Variants in PRKN observed in about 807,000 individuals in gnomAD.
PRKN encodes parkin RBR E3 ubiquitin protein ligase.
PRKN carries 56 observed loss-of-function variants against 59.5 expected under a neutral mutation model. The observed-to-expected ratio is 0.94, with a 90% confidence interval of 0.76 to 1.18. The LOEUF is 1.18. PRKN is among the 50% of genes most tolerant of loss of function. The pLI, the probability that PRKN is intolerant of heterozygous loss-of-function variation, is 0.00. For synonymous variants in PRKN, 250 were observed against 222.1 expected, an observed-to-expected ratio of 1.13 and a Z score of -1.12; for missense variants, 657 against 596.4, an observed-to-expected ratio of 1.10 and a Z score of -1.06.
At chr6:161,474,939 T>G (rs1438969906) in intron 9 of PRKN, among the ~76,000 whole-genome samples, 1 of 149,018 alleles carries the variant, frequency 6.7e-6, no homozygotes, top group Non-Finnish European at 1.5e-5. Flanking sequence ...ATGAAGTCTC[T>G]CTGTCACCAG....
rs1386420725 is a variant in PRKN at position 161,388,319 on chromosome 6, T to C, written c.1084-1442A>G. On this transcript the variant is annotated intron_variant, in intron 9 of 11. Transcript: ENST00000366898. This position sits in a 1 kb window ranked among gnomAD's most constrained non-coding sequence, Gnocchi z 4.3. ...GGCTACAATCACAGCATACAATGTG[T>C]TCTAAACTTTAAGGAGATAAGAACA... Among the ~76,000 whole-genome samples the C allele has an allele frequency of 6.6e-6, 1 of 152,194 alleles. No individual in the cohort carries two copies. The highest frequency in any genetic ancestry group is 1.5e-5 in the Non-Finnish European group (1 of 68,040).
Position 161,456,391 on chromosome 6 carries a change from T to C in PRKN, c.1084-69514A>G, listed in dbSNP as rs1421709098. Among the ~76,000 whole-genome samples, 2 of 152,154 alleles carry C rather than the reference T, an allele frequency of 1.3e-5. No individual in the cohort carries two copies. Among genetic ancestry groups the C allele is most frequent in the Non-Finnish European group, 2.9e-5 (2 of 68,028 alleles). On this transcript the variant is annotated intron_variant, in intron 9 of 11. Transcript: ENST00000366898. This position sits in a 1 kb window ranked among gnomAD's most constrained non-coding sequence, Gnocchi z 4.8. ...TTTTGGACTCTTGGACCTACACCAG[T>C]GGTTTGCCAGGGGCTCTCAGGCCTT...
chr6:162,009,602 T>C (rs1325477619), intron 5 of PRKN, among the ~76,000 whole-genome samples: 1 of 151,724 alleles, frequency 6.6e-6, no homozygotes, highest in South Asian at 2.1e-4. Flanking sequence ...AATATAAAAA[T>C]TGCCCTTCAC....
chr6:161,935,674 A>G (rs185077801), intron 6 of PRKN, among the ~76,000 whole-genome samples: 1 of 152,332 alleles, frequency 6.6e-6, no homozygotes, highest in African/African-American at 2.4e-5. Flanking sequence ...ACTTAGGTGA[A>G]AAAATAGTGA....
At chr6:162,145,981 A>C (rs1782009287) in intron 4 of PRKN, among the ~76,000 whole-genome samples, 1 of 152,228 alleles carries the variant, frequency 6.6e-6, no homozygotes, top group African/African-American at 2.4e-5. Flanking sequence ...ATGCAAACGT[A>C]CTTTCAATTT....
intron 7 of PRKN, among the ~76,000 whole-genome samples, chr6:161,648,309 T>G (rs111940304): frequency 0.013 from 2,041 of 152,344 alleles, 44 homozygotes; most frequent in African/African-American, 0.046. Context: ...GACAAAGCTT[T>G]GATCCATAAG....
chr6:161,726,748 G>C (rs1171349270), intron 7 of PRKN, among the ~76,000 whole-genome samples: 1 of 152,168 alleles, frequency 6.6e-6, no homozygotes, highest in Non-Finnish European at 1.5e-5. Context: ...AAAAGAGATA[G>C]ATGCCTGATA....
chr6:161,669,387 C>T (rs1054379268), intron 7 of PRKN, among the ~76,000 whole-genome samples: 1 of 152,220 alleles, frequency 6.6e-6, no homozygotes, highest in African/African-American at 2.4e-5. Flanking sequence ...AATTTGCACA[C>T]AGGGGTCAGC....
chr6:161,744,620 G>C (rs1313285779), intron 7 of PRKN, among the ~76,000 whole-genome samples: 1 of 152,192 alleles, frequency 6.6e-6, no homozygotes, highest in Non-Finnish European at 1.5e-5. Flanking sequence ...GGATTAACAT[G>C]GTCAAGGACC....
At chr6:162,108,096 C>T (rs143641988) in intron 4 of PRKN, among the ~76,000 whole-genome samples, 48 of 152,314 alleles carry the variant, frequency 3.2e-4, no homozygotes, top group African/African-American at 7.5e-4. Context: ...GGAACACCTA[C>T]GTTCAGTTTG....
chr6:161,466,090 G>A lies in PRKN; in HGVS notation c.1084-79213C>T, dbSNP rs1790453213. Among the ~76,000 whole-genome samples the A allele has an allele frequency of 6.6e-6, 1 of 152,090 alleles. No individual in the cohort carries two copies. The highest frequency in any genetic ancestry group is 6.6e-5 in the Admixed American group (1 of 15,266). On this transcript the variant is annotated intron_variant, in intron 9 of 11. Coordinates refer to ENST00000366898, the MANE Select transcript of PRKN (RefSeq NM_004562.3). This position sits in a 1 kb window ranked among gnomAD's most constrained non-coding sequence, Gnocchi z 5.0. The stretch of plus-strand genomic sequence containing the variant: ...TGTGTGTGTGTGTGTGTGTCTGTGT[G>A]GGGAGGACACTTAAGACCTAGTCTT...
intron 7 of PRKN, among the ~76,000 whole-genome samples, chr6:161,650,948 A>G (rs144254057): frequency 6.6e-6 from 1 of 152,308 alleles, no homozygotes; most frequent in African/African-American, 2.4e-5. Flanking sequence ...TTTATTTAAC[A>G]TCCTGAAATT....
At chr6:161,797,420 C>A (rs752550029) in intron 6 of PRKN, among the ~76,000 whole-genome samples, 6 of 152,076 alleles carry the variant, frequency 3.9e-5, no homozygotes, top group African/African-American at 7.2e-5. Flanking sequence ...GCACACACCA[C>A]CACATCTGGC....
chr6:162,388,641 T>C (rs1436018348), intron 2 of PRKN, among the ~76,000 whole-genome samples: 1 of 152,044 alleles, frequency 6.6e-6, no homozygotes, highest in African/African-American at 2.4e-5. Context: ...AGGACAGATG[T>C]CTTAACAACA....
intron 4 of PRKN, among the ~76,000 whole-genome samples, chr6:162,104,667 A>G (rs1327809676): frequency 1.3e-5 from 2 of 152,172 alleles, no homozygotes; most frequent in Non-Finnish European, 2.9e-5. Context: ...GGGATTCAGC[A>G]TTTCTCAACA....
chr6:162,019,493 T>C (rs1167497113), intron 5 of PRKN, among the ~76,000 whole-genome samples: 7 of 152,140 alleles, frequency 4.6e-5, no homozygotes, highest in Admixed American at 1.3e-4. Context: ...TATCTACAGA[T>C]CATTGAAATG....
intron 11 of PRKN, among the ~76,000 whole-genome samples, chr6:161,350,534 T>G (rs945648064): frequency 6.9e-6 from 1 of 145,934 alleles, no homozygotes; most frequent in African/African-American, 2.5e-5. Context: ...TAGGGGTCAA[T>G]TCCTCATTTA....
At chr6:161,710,712 G>C (rs1716112575) in intron 7 of PRKN, among the ~76,000 whole-genome samples, 1 of 152,140 alleles carries the variant, frequency 6.6e-6, no homozygotes, top group Non-Finnish European at 1.5e-5. Context: ...TCTGTCCGCA[G>C]GAGTCACAGC....
intron 1 of PRKN, among the ~76,000 whole-genome samples, chr6:162,719,662 G>C (rs73024497): frequency 0.037 from 5,682 of 152,242 alleles, 147 homozygotes; most frequent in Non-Finnish European, 0.058. Flanking sequence ...TAGGAGCTGT[G>C]GTGAAGCCTG....
Sources: allele counts gnomAD v4.1 joint callset (sites outside exome capture counted in the v4.1 genomes callset), GRCh38; gene constraint gnomAD v4.1.1; non-coding constraint Gnocchi (gnomAD v3.1); transcripts MANE v1.5; gene names NCBI Gene and HGNC (gene_info 2026-07-23, HGNC 2026-07-21).